Variants in TRDN observed in about 807,000 individuals in gnomAD.
TRDN encodes the protein triadin.
Under a neutral mutation model 149.7 loss-of-function variants are expected in TRDN, and 161 were observed. That is an observed-to-expected ratio of 1.08 (90% CI 0.95 to 1.23). The LOEUF (loss-of-function observed/expected upper bound fraction) is 1.23, where lower values mean the gene tolerates loss of function less well. Among genes scored for constraint, TRDN ranks in the 50% most tolerant of loss-of-function variants. The pLI, the probability that TRDN is intolerant of heterozygous loss-of-function variation, is 0.00. For missense variants in TRDN, 896 were observed against 823.5 expected (o/e 1.09, Z -1.08); for synonymous variants, 294 against 250.5 (o/e 1.17, Z -1.64).
chr6:123,578,845 T>C (rs1782983307), intron 1 of TRDN, among the ~76,000 whole-genome samples: 1 of 152,160 alleles, frequency 6.6e-6, no homozygotes, highest in Admixed American at 6.5e-5. Flanking sequence ...TCTGTAATTC[T>C]CATTGTAGAG....
intron 1 of TRDN, among the ~76,000 whole-genome samples, chr6:123,586,559 A>G (rs1398967287): frequency 1.3e-5 from 2 of 152,152 alleles, no homozygotes; most frequent in African/African-American, 4.8e-5. Context: ...AATTATTTAG[A>G]TCTTGAAGGA....
At chr6:123,266,854 A>T (rs1777024682) in intron 32 of TRDN, among the ~76,000 whole-genome samples, 1 of 140,508 alleles carries the variant, frequency 7.1e-6, no homozygotes, top group Non-Finnish European at 1.5e-5. Flanking sequence ...ACTTTAAGAA[A>T]TAACAGTGAT....
At chr6:123,380,940 C>T (rs1362772867) in intron 16 of TRDN, among the ~76,000 whole-genome samples, 1 of 151,828 alleles carries the variant, frequency 6.6e-6, no homozygotes, top group Non-Finnish European at 1.5e-5. Flanking sequence ...TGTCATATAT[C>T]ACATGGGCAT....
intron 9 of TRDN, among the ~76,000 whole-genome samples, chr6:123,496,243 G>A (rs1378138354): frequency 6.6e-6 from 1 of 150,492 alleles, no homozygotes; most frequent in African/African-American, 2.5e-5. Flanking sequence ...AAATTACTGG[G>A]ATCAACAACA....
intron 16 of TRDN, among the ~76,000 whole-genome samples, chr6:123,379,708 A>G (rs534145891): frequency 5.3e-5 from 8 of 152,280 alleles, no homozygotes; most frequent in African/African-American, 1.9e-4. Flanking sequence ...GTAATTATTG[A>G]ATTACCTTAG....
chr6:123,521,276 T>C (rs1779666434), intron 5 of TRDN, among the ~76,000 whole-genome samples: 1 of 152,192 alleles, frequency 6.6e-6, no homozygotes, highest in Non-Finnish European at 1.5e-5. Context: ...GTGACTTTAT[T>C]TGGAAATAAG....
Position 123,512,325 on chromosome 6 carries a change from T to TG in TRDN, c.587dup (p.Glu197ArgfsTer13). The TG allele has an allele frequency of 1.1e-5, 16 of 1,504,334 alleles. No individual in the cohort carries two copies. Among genetic ancestry groups the TG allele is most frequent in the Non-Finnish European group, 1.5e-5 (16 of 1,095,602 alleles). The allele number at this position is 1,504,334 out of a possible 1,614,324, so 93.2% of individuals were successfully genotyped here. On this transcript the variant is annotated frameshift_variant, in exon 7 of 41. Transcript: ENST00000334268. LOFTEE classifies it high-confidence loss of function. ...TACCTTTCGCCAGTGTCTTTGTTTC[T>TG]GGTTTTTCTTTTTTCTCAATTTTTT...
At chr6:123,509,896 T>C (rs1779095063) in intron 7 of TRDN, 1 of 152,176 alleles carries the variant, frequency 6.6e-6, no homozygotes. Context: ...CCTGGGTTTT[T>C]AGTCTTAACC....
intron 24 of TRDN, among the ~76,000 whole-genome samples, chr6:123,316,218 G>A (rs1345272464): frequency 6.6e-6 from 1 of 151,846 alleles, no homozygotes; most frequent in Non-Finnish European, 1.5e-5. Flanking sequence ...TGGTTCTAGT[G>A]CTTTGATAAA....
chr6:123,548,652 G>T, intron 2 of TRDN, 40 bp from the exon 3 acceptor site: 1 of 1,307,488 alleles, frequency 7.6e-7, no homozygotes, highest in South Asian at 2.4e-5. Context: ...AAAAGTTTGT[G>T]ATCATTTCCA....
intron 1 of TRDN, among the ~76,000 whole-genome samples, chr6:123,624,415 G>A (rs747502318): frequency 4.6e-5 from 7 of 152,008 alleles, no homozygotes; most frequent in Admixed American, 6.6e-5. Flanking sequence ...AAAATTTTCC[G>A]GAAACTGTCA....
intron 9 of TRDN, among the ~76,000 whole-genome samples, chr6:123,468,399 C>T (rs1776957503): frequency 6.6e-6 from 1 of 152,146 alleles, no homozygotes; most frequent in African/African-American, 2.4e-5. Context: ...TTTGGGCTGG[C>T]TTATTTCCAT....
intron 38 of TRDN, among the ~76,000 whole-genome samples, chr6:123,236,093 T>A (rs777552989): frequency 1.3e-5 from 2 of 152,210 alleles, no homozygotes; most frequent in African/African-American, 4.8e-5. Flanking sequence ...CAGTTTTCTA[T>A]AGTGCCAGTA....
intron 1 of TRDN, among the ~76,000 whole-genome samples, chr6:123,612,193 G>C (rs1356512038): frequency 7.4e-6 from 1 of 134,410 alleles, no homozygotes; most frequent in African/African-American, 2.8e-5. Flanking sequence ...ACAGGAGTTC[G>C]AGACCAGCCT....
chr6:123,435,460 G>A (rs79067533), intron 12 of TRDN, among the ~76,000 whole-genome samples: 4,739 of 151,748 alleles, frequency 0.031, 223 homozygotes, highest in African/African-American at 0.096. Context: ...AAAGAAACGA[G>A]TTAAAAACTA....
intron 9 of TRDN, among the ~76,000 whole-genome samples, chr6:123,482,249 A>C (rs1324514739): frequency 1.3e-5 from 2 of 152,210 alleles, no homozygotes; most frequent in Non-Finnish European, 2.9e-5. Context: ...TTTAGCAGAA[A>C]ATTTTCTACA....
intron 6 of TRDN, among the ~76,000 whole-genome samples, chr6:123,512,687 G>T (rs988079433): frequency 6.6e-6 from 1 of 152,220 alleles, no homozygotes; most frequent in South Asian, 2.1e-4. Context: ...CAAAAAATAT[G>T]TCATTATGTG....
chr6:123,433,935 G>A (rs1249873107), intron 12 of TRDN: 1 of 152,154 alleles, frequency 6.6e-6, no homozygotes, highest in Non-Finnish European at 1.5e-5. Flanking sequence ...ATCTAATCAA[G>A]TAGGTGAAAC....
chr6:123,453,878 T>C (rs916868076), intron 10 of TRDN, among the ~76,000 whole-genome samples: 1 of 147,030 alleles, frequency 6.8e-6, no homozygotes, highest in African/African-American at 2.6e-5. Context: ...AATGAGTGGA[T>C]AAAGAAACTG....
Sources: gnomAD v4.1 joint callset for allele counts (sites outside exome capture counted in the v4.1 genomes callset) on GRCh38, gnomAD v4.1.1 for gene constraint, MANE v1.5 for transcripts, NCBI Gene and HGNC (gene_info 2026-07-23, HGNC 2026-07-21) for gene names.